The following TACC2 variants were observed in gnomAD, a reference collection of about 807,000 sequenced individuals.
TACC2 encodes the protein transforming acidic coiled-coil-containing protein 2.
In TACC2, 137 loss-of-function variants were observed where a neutral mutation model predicts 227.3. The observed-to-expected ratio is 0.60, with a 90% CI of 0.52 to 0.69. The LOEUF (loss-of-function observed/expected upper bound fraction) is 0.69. TACC2 is among the 30% of genes least tolerant of loss of function. The pLI, the probability that TACC2 is intolerant of heterozygous loss-of-function variation, is 0.00. For synonymous variants in TACC2, 1,523 were observed against 1,487.5 expected, an observed-to-expected ratio of 1.02 and a Z score of -0.55; for missense variants, 3,470 against 3,694.4, an observed-to-expected ratio of 0.94 and a Z score of 1.57.
intron 2 of TACC2, chr10:122,023,258 G>A (rs1957549709): frequency 6.6e-6 from 1 of 152,152 alleles, no homozygotes; most frequent in South Asian, 2.1e-4. Context: ...TCGAACTCCT[G>A]ACTTCAGGTG....
At chr10:122,200,326 A>G (rs1365915386) in intron 8 of TACC2, among the ~76,000 whole-genome samples, 1 of 152,236 alleles carries the variant, frequency 6.6e-6, no homozygotes, top group Non-Finnish European at 1.5e-5. Context: ...GGGCCTGCAT[A>G]GAGCCAGGTG....
intron 16 of TACC2, among the ~76,000 whole-genome samples, chr10:122,232,974 A>G (rs2141497743): frequency 6.6e-6 from 1 of 152,318 alleles, no homozygotes; most frequent in Admixed American, 6.5e-5. Context: ...GCATGGATGA[A>G]AATCACCATA....
At position 122,187,276 on chromosome 10, in the gene TACC2, T is replaced by C. The variant is rs77132950; in HGVS notation, c.5835-7764T>C. Among the ~76,000 whole-genome samples, 786 of 152,280 alleles carry C rather than the reference T, an allele frequency of 5.2e-3. 9 individuals carry two copies. The highest frequency in any genetic ancestry group is 0.04 in the East Asian group (208 of 5,176). On this transcript the variant is annotated intron_variant, in intron 7 of 22. Transcript: ENST00000369005. ...GGCCCTGGACCTGGTTGTGTGCCCC[T>C]TGAGGGGAGGATGAAGTTGACCTCA...
chr10:122,249,112 G>C lies in TACC2; in HGVS notation c.8616G>C (p.Gln2872His). ...EYLSRVKKEE[Q>H]RYQALKVHAE... ...TGTCCCGGGTGAAGAAGGAGGAGCA[G>C]AGGTACCAGGCCCTGAAGGTGCACG... Residue 2872 changes from glutamine to histidine, a missense_variant, in exon 21 of 23, where the codon CAG (glutamine) becomes CAC (histidine). Transcript: ENST00000369005. 6.2e-7 allele frequency: 1 copy of C among 1,613,282 alleles called. No homozygotes were observed. The highest frequency in any genetic ancestry group is 8.5e-7 in the Non-Finnish European group (1 of 1,179,902).
Position 122,195,185 on chromosome 10 carries a change from G to A in TACC2, c.5971+9G>A, listed in dbSNP as rs746012204. ...ACCCCCGGAAGAACCAGGTAACCAA[G>A]GGCAGGGAGGCCCCCAGACAGCCCT... is the stretch of plus-strand genomic sequence containing the variant. On this transcript the variant is annotated intron_variant, in intron 8 of 22. Transcript: ENST00000369005. 15 of 1,566,464 alleles carry A rather than the reference G, an allele frequency of 9.6e-6. No homozygotes were observed. The Admixed American group carries it at 1.2e-4, about 13-fold the overall frequency.
At chr10:122,163,587 C>A in intron 7 of TACC2, 1 of 1,002,904 alleles carries the variant, frequency 1.0e-6, no homozygotes, top group Non-Finnish European at 1.2e-6. Flanking sequence ...CAGGAGCCGG[C>A]TGCCGGGGGG....
intron 11 of TACC2, among the ~76,000 whole-genome samples, chr10:122,223,053 CTTT>C (rs35098612): frequency 2.1e-5 from 2 of 94,016 alleles, no homozygotes; most frequent in Non-Finnish European, 4.1e-5. Flanking sequence ...CTCTCTCTCT[CTTT>C]TTTTTTTTTT....
At chr10:122,007,628 C>A (rs147799020) in intron 1 of TACC2, among the ~76,000 whole-genome samples, 306 of 152,214 alleles carry the variant, frequency 2.0e-3, no homozygotes, top group African/African-American at 7.0e-3. Context: ...GTACACAGGC[C>A]ATGTTTGTTA....
chr10:122,065,270 T>C (rs1040368980), intron 3 of TACC2, among the ~76,000 whole-genome samples: 1 of 152,174 alleles, frequency 6.6e-6, no homozygotes, highest in Non-Finnish European at 1.5e-5. Flanking sequence ...GGCATTTTAG[T>C]GCTATAAATG....
intron 5 of TACC2, among the ~76,000 whole-genome samples, chr10:122,120,480 G>A (rs1210285024): frequency 3.9e-5 from 6 of 152,108 alleles, no homozygotes; most frequent in African/African-American, 7.2e-5. Flanking sequence ...GGCTGGTTGC[G>A]CACACCCTCT....
intron 7 of TACC2, among the ~76,000 whole-genome samples, chr10:122,170,299 T>C (rs2093407984): frequency 7.7e-6 from 1 of 129,440 alleles, no homozygotes; most frequent in South Asian, 2.7e-4. Flanking sequence ...AGGTGGAGTC[T>C]CACTCTGCCC....
intron 2 of TACC2, among the ~76,000 whole-genome samples, chr10:122,049,066 G>A (rs967634376): frequency 6.6e-6 from 1 of 152,224 alleles, no homozygotes; most frequent in Non-Finnish European, 1.5e-5. Flanking sequence ...GGAGTACTTT[G>A]TTTTCCTCCA....
chr10:122,012,171 C>T (rs1277504624), intron 1 of TACC2, among the ~76,000 whole-genome samples: 1 of 151,994 alleles, frequency 6.6e-6, no homozygotes, highest in East Asian at 1.9e-4. Context: ...CCTGTAATCC[C>T]AGCACTTTGG....
At chr10:121,993,904 G>C (rs1321965639) in intron 1 of TACC2, among the ~76,000 whole-genome samples, 1 of 152,128 alleles carries the variant, frequency 6.6e-6, no homozygotes, top group East Asian at 1.9e-4. Context: ...CAAGTGCTGA[G>C]ATTATATAGA....
At chr10:122,025,016 T>C (rs1957806340) in intron 2 of TACC2, among the ~76,000 whole-genome samples, 1 of 152,210 alleles carries the variant, frequency 6.6e-6, no homozygotes. Context: ...TAAAGCATTT[T>C]TCATTCCCAC....
chr10:122,123,132 A>T (rs1450399618), intron 5 of TACC2, among the ~76,000 whole-genome samples: 1 of 152,164 alleles, frequency 6.6e-6, no homozygotes, highest in Non-Finnish European at 1.5e-5. Context: ...CTTCCAGAGT[A>T]GCTGGGACCA....
chr10:122,190,515 G>A (rs1272389181), intron 7 of TACC2, among the ~76,000 whole-genome samples: 1 of 152,148 alleles, frequency 6.6e-6, no homozygotes, highest in African/African-American at 2.4e-5. Context: ...TCCCCACCTG[G>A]GGTTACGTTG....
intron 6 of TACC2, among the ~76,000 whole-genome samples, chr10:122,139,919 C>T (rs1307241355): frequency 6.6e-6 from 1 of 152,194 alleles, no homozygotes; most frequent in Non-Finnish European, 1.5e-5. Context: ...TTTGGCAGCT[C>T]CAGCCAATCT....
intron 11 of TACC2, among the ~76,000 whole-genome samples, chr10:122,221,173 A>G (rs909168842): frequency 2.6e-5 from 4 of 152,252 alleles, no homozygotes; most frequent in African/African-American, 2.4e-5. Context: ...ACTCACTAGG[A>G]TGACACTGGT....
Sources: allele counts gnomAD v4.1 joint callset (sites outside exome capture counted in the v4.1 genomes callset), GRCh38; gene constraint gnomAD v4.1.1; transcripts MANE v1.5; gene names NCBI Gene and HGNC (gene_info 2026-07-23, HGNC 2026-07-21).